The following RB1CC1 variants were observed in gnomAD, a reference collection of about 807,000 sequenced individuals.
RB1CC1 encodes the protein RB1-inducible coiled-coil protein 1.
RB1CC1 carries 46 observed loss-of-function variants against 177.5 expected under a neutral mutation model. The ratio of observed to expected loss-of-function variants is 0.26; its 90% confidence interval spans 0.20 to 0.33. The LOEUF is 0.33. RB1CC1 is among the 10% of genes least tolerant of loss of function. The pLI is 1.00. For missense variants in RB1CC1, 1,703 were observed against 1,816.3 expected, an observed-to-expected ratio of 0.94 and a Z score of 1.13; for synonymous variants, 666 against 613.6, an observed-to-expected ratio of 1.09 and a Z score of -1.26.
intron 5 of RB1CC1, among the ~76,000 whole-genome samples, chr8:52,680,197 G>A (rs903139037): frequency 1.5e-4 from 23 of 152,086 alleles, no homozygotes; most frequent in African/African-American, 5.1e-4. Flanking sequence ...TTCTCCAAGA[G>A]CAAATGGAAA....
At chr8:52,633,521 A>AT (rs1235123446) in intron 20 of RB1CC1, among the ~76,000 whole-genome samples, 1 of 152,184 alleles carries the variant, frequency 6.6e-6, no homozygotes, top group East Asian at 1.9e-4. Context: ...AAAATATGTG[A>AT]TTTTTGCTGT....
intron 20 of RB1CC1, 55 bp from the exon 21 acceptor site, chr8:52,630,583 C>G: frequency 6.7e-7 from 1 of 1,503,194 alleles, no homozygotes; most frequent in Non-Finnish European, 8.8e-7. Context: ...CACATGCATT[C>G]TTACTGCAAA....
intron 15 of RB1CC1, among the ~76,000 whole-genome samples, chr8:52,647,545 GACT>G (rs1398347509): frequency 6.6e-6 from 1 of 152,154 alleles, no homozygotes; most frequent in Non-Finnish European, 1.5e-5. Flanking sequence ...AAGAGACTCA[GACT>G]ACTAATAATG....
rs549791201 is a variant in RB1CC1 at position 52,679,158 on chromosome 8, C to T, written c.370-2587G>A. Among the ~76,000 whole-genome samples, 4 of 152,294 alleles carry T rather than the reference C, an allele frequency of 2.6e-5. No homozygotes were observed. In the East Asian group the frequency reaches 7.7e-4, roughly 29 times the overall value. On this transcript the variant is annotated intron_variant, in intron 5 of 23. Transcript: ENST00000025008. ...TCACTAAGCCAATGGAAAAATCAAGCTGGGAACTATGTCAGGCAAACCTGC... is the reference window on the plus strand; with the variant it reads ...TCACTAAGCCAATGGAAAAATCAAGTTGGGAACTATGTCAGGCAAACCTGC...
Position 52,661,539 on chromosome 8 carries a change from G to T in RB1CC1, c.1354C>A (p.Leu452Met). ...QELANNLHVRLKWCCFVMLHA... is the reference protein window; with the variant it reads ...QELANNLHVRMKWCCFVMLHA... ...AGATATAAATGAATCACTTACTTCA[G>T]TCTGACATGTAGGTTATTTGCTAGT... The change falls in exon 9 of 24, where the codon CTG becomes ATG. Residue 452 changes from leucine to methionine, a missense_variant. This residue lies in a region of RB1CC1 where 1,169 missense variants were observed against 1,184.7 expected (regional missense o/e 0.99). Transcript: ENST00000025008. 2 of 1,596,932 alleles carry T rather than the reference G, an allele frequency of 1.3e-6. No homozygotes were observed.
chr8:52,638,692 TTTTC>T (rs1313508491), intron 18 of RB1CC1, among the ~76,000 whole-genome samples: 1 of 152,250 alleles, frequency 6.6e-6, no homozygotes, highest in Non-Finnish European at 1.5e-5. Context: ...TAGTCTTTTA[TTTTC>T]TTTAAGAAAC....
intron 1 of RB1CC1, among the ~76,000 whole-genome samples, chr8:52,706,573 A>C (rs1206291549): frequency 6.6e-6 from 1 of 151,640 alleles, no homozygotes; most frequent in African/African-American, 2.4e-5. Flanking sequence ...TCTACTAAAA[A>C]TACAAAAAAT....
At chr8:52,701,265 C>T (rs148968255) in intron 1 of RB1CC1, among the ~76,000 whole-genome samples, 6 of 151,746 alleles carry the variant, frequency 4.0e-5, no homozygotes, top group South Asian at 2.1e-4. Context: ...TTTGATTACA[C>T]GCACCCACCA....
rs1851122067 is a variant in RB1CC1 at position 52,656,829 on chromosome 8, T to C, written c.3000A>G (p.Ile1000Met). Residue 1000 changes from isoleucine (I) to methionine (M), a missense_variant, in exon 15 of 24, where the codon ATA (isoleucine) becomes ATG (methionine). Physicochemically the swap from Ile to Met is conservative, Grantham distance 10. Coordinates refer to ENST00000025008, the MANE Select transcript of RB1CC1 (RefSeq NM_014781.5). ...CTGTCATAACCTTCTCAAACTCTTG[T>C]ATGTGCCTAACCTGAAGTGTGTCCT... ...ELEDTLQVRH[I>M]QEFEKVMTDH... 2.5e-6 allele frequency: 4 copies of C among 1,613,714 alleles called. No individual in the cohort carries two copies. Among genetic ancestry groups the C allele is most frequent in the Non-Finnish European group, 3.4e-6 (4 of 1,179,990 alleles).
chr8:52,640,675 G>A (rs935265670), intron 18 of RB1CC1, among the ~76,000 whole-genome samples: 3 of 151,960 alleles, frequency 2.0e-5, no homozygotes, highest in African/African-American at 4.8e-5. Context: ...GTTTTCATAC[G>A]GTGGTTCACT....
intron 5 of RB1CC1, among the ~76,000 whole-genome samples, chr8:52,679,327 A>C (rs923639604): frequency 1.3e-5 from 2 of 152,218 alleles, no homozygotes; most frequent in Non-Finnish European, 2.9e-5. Context: ...TCACAATGTA[A>C]ACTGACAGCA....
intron 5 of RB1CC1, among the ~76,000 whole-genome samples, chr8:52,681,569 T>C (rs1221240953): frequency 3.3e-5 from 5 of 152,148 alleles, no homozygotes; most frequent in Non-Finnish European, 7.3e-5. Context: ...GTTTTGGTTA[T>C]AGCAGCTTTA....
intron 20 of RB1CC1, among the ~76,000 whole-genome samples, chr8:52,633,022 T>C (rs1038726350): frequency 6.6e-6 from 1 of 152,210 alleles, no homozygotes; most frequent in African/African-American, 2.4e-5. Flanking sequence ...TTCAAAATAA[T>C]GCAACCATTT....
intron 1 of RB1CC1, among the ~76,000 whole-genome samples, chr8:52,695,839 C>T (rs1855354458): frequency 6.6e-6 from 1 of 152,160 alleles, no homozygotes; most frequent in Non-Finnish European, 1.5e-5. Flanking sequence ...GAGTATAGTG[C>T]TTTCCTTCGT....
At chr8:52,641,831 A>G (rs1050677278) in intron 18 of RB1CC1, among the ~76,000 whole-genome samples, 2 of 152,118 alleles carry the variant, frequency 1.3e-5, no homozygotes, top group South Asian at 4.1e-4. Context: ...CCATAGATAT[A>G]ATTGTAAGCA....
chr8:52,709,331 C>T (rs1331351983), intron 1 of RB1CC1, among the ~76,000 whole-genome samples: 1 of 152,202 alleles, frequency 6.6e-6, no homozygotes, highest in African/African-American at 2.4e-5. Flanking sequence ...ATCTCACATA[C>T]TCATTAAAAT....
intron 11 of RB1CC1, 89 bp downstream of exon 11, chr8:52,660,837 C>T (rs1398574779): frequency 1.7e-6 from 2 of 1,177,392 alleles, no homozygotes; most frequent in African/African-American, 1.6e-5. Context: ...CAATTAACAG[C>T]ATATACATGA....
intron 19 of RB1CC1, 32 bp downstream of exon 19, chr8:52,635,981 TAA>T: frequency 6.2e-7 from 1 of 1,601,186 alleles, no homozygotes; most frequent in Non-Finnish European, 8.5e-7. Context: ...GTGAACATAT[TAA>T]ACATGGTACT....
At chr8:52,699,492 G>A (rs77574924) in intron 1 of RB1CC1, among the ~76,000 whole-genome samples, 4,420 of 151,854 alleles carry the variant, frequency 0.029, 242 homozygotes, top group African/African-American at 0.1. Flanking sequence ...CTATCTTTCT[G>A]TGTTTTTGAT....
Sources: allele counts gnomAD v4.1 joint callset (sites outside exome capture counted in the v4.1 genomes callset), GRCh38; gene constraint gnomAD v4.1.1; regional missense constraint gnomAD v4.1.1; transcripts MANE v1.5; gene names NCBI Gene and HGNC (gene_info 2026-07-23, HGNC 2026-07-21).